The following DDX60 variants were observed in gnomAD, a reference collection of about 807,000 sequenced individuals.
DDX60 encodes the protein probable ATP-dependent RNA helicase DDX60.
DDX60 carries 165 observed loss-of-function variants against 212.8 expected under a neutral mutation model. That is an observed-to-expected ratio of 0.78 (90% CI 0.68 to 0.88). DDX60 has a LOEUF of 0.88. DDX60 is among the 40% of genes least tolerant of loss of function. The pLI, the probability that DDX60 is intolerant of heterozygous loss-of-function variation, is 0.00. For synonymous variants in DDX60, 703 were observed against 685.3 expected, an observed-to-expected ratio of 1.03 and a Z score of -0.40; for missense variants, 1,905 against 2,003.9, an observed-to-expected ratio of 0.95 and a Z score of 0.94.
At chr4:168,299,392 A>G (rs1206381684) in intron 6 of DDX60, among the ~76,000 whole-genome samples, 1 of 151,986 alleles carries the variant, frequency 6.6e-6, no homozygotes, top group South Asian at 2.1e-4. Context: ...AATTTTAAAA[A>G]TGAGTAAGTT....
intron 25 of DDX60, among the ~76,000 whole-genome samples, chr4:168,259,874 T>C (rs535194144): frequency 4.6e-5 from 7 of 152,082 alleles, no homozygotes; most frequent in African/African-American, 1.2e-4. Flanking sequence ...CAATAAGTAG[T>C]ATATTGTGAA....
chr4:168,308,904 T>C (rs1737010068), intron 3 of DDX60, among the ~76,000 whole-genome samples: 1 of 152,156 alleles, frequency 6.6e-6, no homozygotes, highest in African/African-American at 2.4e-5. Context: ...ATGCATAAAG[T>C]ATATGTAGTC....
intron 8 of DDX60, among the ~76,000 whole-genome samples, chr4:168,290,320 TTTC>T (rs1330464409): frequency 2.0e-5 from 3 of 146,876 alleles, no homozygotes; most frequent in African/African-American, 7.7e-5. Context: ...TCTGTTTTCT[TTTC>T]TTTTCTTTTT....
At chr4:168,243,668 G>T (rs1190686382) in intron 30 of DDX60, among the ~76,000 whole-genome samples, 4 of 152,218 alleles carry the variant, frequency 2.6e-5, no homozygotes, top group African/African-American at 9.6e-5. Context: ...GTGTAAATCA[G>T]TCCAACCGCA....
chr4:168,284,765 A>G (rs1253455381), intron 12 of DDX60, 55 bp downstream of exon 12: 3 of 854,348 alleles, frequency 3.5e-6, no homozygotes, highest in African/African-American at 3.4e-5. Context: ...CTATAAAATA[A>G]GAGGCAGAGA....
chr4:168,325,189 C>T, the DDX60 span, among the ~76,000 whole-genome samples: 2 of 152,180 alleles, frequency 1.3e-5, no homozygotes, highest in African/African-American at 4.8e-5. Flanking sequence ...GGCTGTTACC[C>T]ACTGTTACCA....
At chr4:168,299,639 T>A (rs1394133381) in intron 6 of DDX60, among the ~76,000 whole-genome samples, 1 of 151,100 alleles carries the variant, frequency 6.6e-6, no homozygotes, top group Non-Finnish European at 1.5e-5. Context: ...TGAAACAAGA[T>A]AAATTAAATC....
intron 30 of DDX60, among the ~76,000 whole-genome samples, chr4:168,238,299 C>T (rs1413210592): frequency 6.9e-6 from 1 of 145,718 alleles, no homozygotes; most frequent in African/African-American, 2.5e-5. Flanking sequence ...TGTCTTTAGG[C>T]CTGAGGGTTT....
chr4:168,292,049 C>CTTTCTTT lies in DDX60; in HGVS notation c.883-144_883-143insAAAGAAA, dbSNP rs58664687. ...CCTTTCTTTCTTTCTTTCTTTCTTT[C>CTTTCTTT]TTTTTTTTTTTTTTTTTGAGACAGA... On this transcript the variant is annotated intron_variant, in intron 7 of 37. Transcript: ENST00000393743. 1,062 of 303,468 alleles carry CTTTCTTT rather than the reference C, an allele frequency of 3.5e-3. 20 individuals are homozygous for CTTTCTTT. The highest frequency in any genetic ancestry group is 0.028 in the African/African-American group (983 of 34,918). The allele number at this position is 303,468 out of a possible 1,614,324, so 18.8% of individuals were successfully genotyped here. A position where few individuals can be genotyped will look rare whatever the true frequency, so the allele number is the denominator to read the frequency against.
At chr4:168,219,408 T>C (rs1229178147) in intron 37 of DDX60, among the ~76,000 whole-genome samples, 1 of 152,170 alleles carries the variant, frequency 6.6e-6, no homozygotes, top group Non-Finnish European at 1.5e-5. Flanking sequence ...TTGATTGATT[T>C]CCTTGCCCAA....
chr4:168,280,614 C>T (rs1290397625), intron 13 of DDX60, 24 bp from the exon 14 acceptor site: 3 of 1,579,732 alleles, frequency 1.9e-6, no homozygotes, highest in South Asian at 2.3e-5. Flanking sequence ...AAAAACATCT[C>T]TTAAGACAAG....
rs139638368 is a variant in DDX60 at position 168,224,518 on chromosome 4, G to C, written c.4682-133C>G. On this transcript the variant is annotated intron_variant, in intron 34 of 37. Coordinates refer to ENST00000393743, the MANE Select transcript of DDX60 (RefSeq NM_017631.6). ...TAATGAAGACTGAAATGTTTCGTAA[G>C]TTATATCGCATAAGGTTAGTAGCAC... 393 of 808,070 alleles carry C rather than the reference G, an allele frequency of 4.9e-4. No homozygotes were observed. In the Middle Eastern group the frequency reaches 5.0e-3, roughly 10 times the overall value. 50.1% of individuals were successfully genotyped at this position (808,070 alleles called of 1,614,324 possible).
chr4:168,240,248 G>T (rs1462969561), intron 30 of DDX60, among the ~76,000 whole-genome samples: 1 of 152,068 alleles, frequency 6.6e-6, no homozygotes, highest in Non-Finnish European at 1.5e-5. Context: ...ATAATACCTA[G>T]GAATACAGCT....
At chr4:168,236,782 G>T (rs1162161262) in intron 32 of DDX60, among the ~76,000 whole-genome samples, 5 of 151,592 alleles carry the variant, frequency 3.3e-5, no homozygotes, top group Non-Finnish European at 7.4e-5. Flanking sequence ...GGGAAAATAT[G>T]ATTCTAAATT....
intron 8 of DDX60, 89 bp from the exon 9 acceptor site, chr4:168,288,404 T>C (rs1022557795): frequency 3.3e-6 from 3 of 908,344 alleles, no homozygotes; most frequent in South Asian, 1.7e-5. Context: ...TGAAAGGCAG[T>C]GGGCAGGATC....
the DDX60 span, among the ~76,000 whole-genome samples, chr4:168,324,162 G>A: frequency 1.3e-5 from 2 of 152,156 alleles, no homozygotes; most frequent in Non-Finnish European, 2.9e-5. Flanking sequence ...CTTGGTAGCG[G>A]AGCCAGGCCG....
the DDX60 span, among the ~76,000 whole-genome samples, chr4:168,325,338 A>G: frequency 6.6e-6 from 1 of 152,234 alleles, no homozygotes; most frequent in Non-Finnish European, 1.5e-5. Context: ...AGATAATTGC[A>G]TGCTTTCTTA....
At chr4:168,248,601 T>G (rs2149503280) in intron 28 of DDX60, among the ~76,000 whole-genome samples, 1 of 152,264 alleles carries the variant, frequency 6.6e-6, no homozygotes, top group African/African-American at 2.4e-5. Flanking sequence ...CCTACCATCA[T>G]TATCTATCTC....
intron 22 of DDX60, chr4:168,265,469 G>A (rs1217037849): frequency 1.3e-5 from 2 of 152,102 alleles, no homozygotes; most frequent in African/African-American, 4.8e-5. Flanking sequence ...TAATACCTAA[G>A]TCTTTATGTT....
Sources: allele counts gnomAD v4.1 joint callset (sites outside exome capture counted in the v4.1 genomes callset), GRCh38; gene constraint gnomAD v4.1.1; transcripts MANE v1.5; gene names NCBI Gene and HGNC (gene_info 2026-07-23, HGNC 2026-07-21).